Variants in CNOT4 observed in about 807,000 individuals in gnomAD.
The protein encoded by CNOT4 is CCR4-associated factor 4.
In CNOT4, 8 loss-of-function variants were observed where a neutral mutation model predicts 73.8. The observed-to-expected ratio is 0.11, with a 90% CI of 0.06 to 0.20. CNOT4 has a LOEUF of 0.20. Ranked by LOEUF, CNOT4 falls within the 10% of genes least tolerant of loss-of-function variation. The pLI is 1.00. For missense variants in CNOT4, 564 were observed against 883.4 expected, an observed-to-expected ratio of 0.64 and a Z score of 4.58; for synonymous variants, 293 against 321.1, an observed-to-expected ratio of 0.91 and a Z score of 0.94.
At chr7:135,439,316 T>C (rs188585877) in intron 1 of CNOT4, among the ~76,000 whole-genome samples, 136 of 152,306 alleles carry the variant, frequency 8.9e-4, no homozygotes, top group Admixed American at 1.9e-3. Context: ...TCCTAAAGGT[T>C]ACATACAAGA....
At chr7:135,422,086 C>A in intron 3 of CNOT4, 70 bp downstream of exon 3, 2 of 887,876 alleles carry the variant, frequency 2.3e-6, no homozygotes, top group South Asian at 2.8e-5. Context: ...TGAGCAGGGT[C>A]AAATATTATT....
chr7:135,411,047 G>A (rs1213759018), intron 6 of CNOT4, among the ~76,000 whole-genome samples: 1 of 151,884 alleles, frequency 6.6e-6, no homozygotes, highest in Non-Finnish European at 1.5e-5. Context: ...TGAGTTTTCT[G>A]AAAATCAGCC....
At chr7:135,489,201 T>G (rs776425933) in intron 1 of CNOT4, among the ~76,000 whole-genome samples, 4 of 151,944 alleles carry the variant, frequency 2.6e-5, no homozygotes, top group Non-Finnish European at 2.9e-5. Flanking sequence ...ACTAGCCATA[T>G]TTAGAAAAAA....
At position 135,509,928 on chromosome 7, in the gene CNOT4, G is replaced by T; in HGVS notation, c.-132C>A. Reference sequence around the variant, plus strand: ...TCGCTTTTCCCTCAGCCGACTCCACGGGCTGCCGCGTCCTCACAAGAAACC... The same window carrying T: ...TCGCTTTTCCCTCAGCCGACTCCACTGGCTGCCGCGTCCTCACAAGAAACC... On this transcript the variant is annotated 5_prime_UTR_variant, in exon 1 of 12. Coordinates refer to ENST00000541284, the MANE Select transcript of CNOT4 (RefSeq NM_001190850.2). 2.5e-6 allele frequency: 1 copy of T among 398,308 alleles called. No individual in the cohort carries two copies. The highest frequency in any genetic ancestry group is 1.3e-4 in the South Asian group (1 of 7,580). 24.7% of individuals were successfully genotyped at this position (398,308 alleles called of 1,614,324 possible).
At position 135,363,163 on chromosome 7, in the gene CNOT4, T is replaced by C; in HGVS notation, c.1864A>G (p.Ser622Gly). 3 of 1,613,606 alleles carry C rather than the reference T, an allele frequency of 1.9e-6. No individual in the cohort carries two copies. Among genetic ancestry groups the C allele is most frequent in the Non-Finnish European group, 2.5e-6 (3 of 1,179,990 alleles). ...TTGTCATCTTGAAGAGAGTCTAAAC[T>C]GTTTCCTGAAGACGCTGGAATACCT... ...ITGIPASSGN[S>G]LDSLQDDNPP... Residue 622 changes from serine to glycine, a missense_variant, in exon 12 of 12, where the codon AGT (serine) becomes GGT (glycine). Physicochemically the swap from Ser to Gly is moderately conservative, Grantham distance 56. This residue lies in a region of CNOT4 where 53 missense variants were observed against 75.4 expected (regional missense o/e 0.70). Coordinates refer to ENST00000541284, the MANE Select transcript of CNOT4 (RefSeq NM_001190850.2). The surrounding 1 kb of genome is among the most constrained non-coding windows in gnomAD (Gnocchi z 4.3).
At chr7:135,471,238 A>G (rs1801555619) in intron 1 of CNOT4, among the ~76,000 whole-genome samples, 1 of 152,134 alleles carries the variant, frequency 6.6e-6, no homozygotes, top group Non-Finnish European at 1.5e-5. Flanking sequence ...AGACTGGGAG[A>G]CAGTATGGAA....
At chr7:135,508,588 A>G (rs1311042214) in intron 1 of CNOT4, among the ~76,000 whole-genome samples, 1 of 152,234 alleles carries the variant, frequency 6.6e-6, no homozygotes, top group African/African-American at 2.4e-5. Context: ...AAATGTCAAG[A>G]GAACTTCCCA....
chr7:135,384,487 G>A (rs867987295), intron 10 of CNOT4: 42 of 543,044 alleles, frequency 7.7e-5, no homozygotes, highest in South Asian at 8.4e-5. Flanking sequence ...GGGTTTCACC[G>A]TGTTAGCCAG....
intron 2 of CNOT4, among the ~76,000 whole-genome samples, chr7:135,428,688 G>C (rs1798650746): frequency 1.3e-5 from 2 of 151,820 alleles, no homozygotes; most frequent in Admixed American, 6.6e-5. Flanking sequence ...ATACAGAAAA[G>C]AGATTAAGAG....
intron 1 of CNOT4, among the ~76,000 whole-genome samples, chr7:135,501,426 T>C (rs534962265): frequency 4.6e-4 from 70 of 152,310 alleles, no homozygotes; most frequent in African/African-American, 1.7e-3. Context: ...AAAACCTTGG[T>C]GTCACTTTAG....
At chr7:135,470,805 CA>C (rs1801531703) in intron 1 of CNOT4, among the ~76,000 whole-genome samples, 1 of 152,050 alleles carries the variant, frequency 6.6e-6, no homozygotes, top group Admixed American at 6.5e-5. Context: ...AGAATCAGAA[CA>C]AAGGTTGAAT....
intron 2 of CNOT4, among the ~76,000 whole-genome samples, chr7:135,423,694 A>T (rs1488497568): frequency 2.0e-5 from 3 of 152,130 alleles, no homozygotes; most frequent in Admixed American, 2.0e-4. Flanking sequence ...TCAATGAATT[A>T]GAGCTGGTGA....
chr7:135,469,893 C>T (rs1419302254), intron 1 of CNOT4, among the ~76,000 whole-genome samples: 3 of 152,060 alleles, frequency 2.0e-5, no homozygotes, highest in Non-Finnish European at 2.9e-5. Flanking sequence ...GCAATCTCAG[C>T]CCATTGCAAC....
At chr7:135,386,770 A>C (rs1290214177) in intron 10 of CNOT4, 1 of 152,208 alleles carries the variant, frequency 6.6e-6, no homozygotes, top group Non-Finnish European at 1.5e-5. Context: ...GGGGAGGAGA[A>C]GCAGGCAGGG....
chr7:135,499,219 C>T (rs1803800320), intron 1 of CNOT4, among the ~76,000 whole-genome samples: 1 of 152,100 alleles, frequency 6.6e-6, no homozygotes, highest in Non-Finnish European at 1.5e-5. Context: ...CAAACCAGGA[C>T]AGGGATGCTA....
chr7:135,473,917 G>A (rs1434008119), intron 1 of CNOT4, among the ~76,000 whole-genome samples: 1 of 151,912 alleles, frequency 6.6e-6, no homozygotes, highest in Non-Finnish European at 1.5e-5. Context: ...TTCTTTCCAG[G>A]GATGCTCTAT....
intron 1 of CNOT4, among the ~76,000 whole-genome samples, chr7:135,453,848 T>TATATATATATATATATAAA (rs61345541): frequency 1.7e-5 from 2 of 116,722 alleles, no homozygotes; most frequent in East Asian, 4.8e-4. Flanking sequence ...ATATATATAT[T>TATATATATATATATATAAA]ATATATATAG....
intron 1 of CNOT4, among the ~76,000 whole-genome samples, chr7:135,438,737 G>C (rs1381493618): frequency 6.6e-6 from 1 of 152,162 alleles, no homozygotes; most frequent in Non-Finnish European, 1.5e-5. Context: ...ACTCTTAACT[G>C]TCTCATCTTT....
chr7:135,500,912 T>C (rs543152174), intron 1 of CNOT4, among the ~76,000 whole-genome samples: 1 of 152,272 alleles, frequency 6.6e-6, no homozygotes, highest in Admixed American at 6.5e-5. Flanking sequence ...TTCTTTATTT[T>C]CCAAGCTCCT....
Sources: gnomAD v4.1 joint callset for allele counts (sites outside exome capture counted in the v4.1 genomes callset) on GRCh38, gnomAD v4.1.1 for gene constraint, gnomAD v4.1.1 regional missense constraint, Gnocchi (gnomAD v3.1) non-coding constraint, MANE v1.5 for transcripts, NCBI Gene and HGNC (gene_info 2026-07-23, HGNC 2026-07-21) for gene names.